PTPRE: variants seen among roughly 807,000 people sequenced by gnomAD.
The protein encoded by PTPRE is receptor-type tyrosine-protein phosphatase epsilon.
A neutral mutation model predicts 102.0 loss-of-function variants in PTPRE; 51 were observed. That is an observed-to-expected ratio of 0.50 (90% CI 0.40 to 0.63). PTPRE has a LOEUF of 0.63. Among genes scored for constraint, PTPRE ranks in the 30% least tolerant of loss-of-function variants. PTPRE has a pLI of 0.00. For synonymous variants in PTPRE, 345 were observed against 348.2 expected (o/e 0.99, Z 0.10); for missense variants, 752 against 915.1 (o/e 0.82, Z 2.30).
chr10:127,988,291 C>T (rs1207911869), intron 2 of PTPRE, among the ~76,000 whole-genome samples: 1 of 140,722 alleles, frequency 7.1e-6, no homozygotes, highest in Non-Finnish European at 1.5e-5. Context: ...TTTGCAGTGA[C>T]TTTTTTTCTT....
At chr10:128,050,582 A>T (rs1054864379) in intron 6 of PTPRE, among the ~76,000 whole-genome samples, 1 of 152,234 alleles carries the variant, frequency 6.6e-6, no homozygotes, top group Admixed American at 6.5e-5. Flanking sequence ...TTTGAATTTT[A>T]TGCATCTTCA....
Position 128,080,282 on chromosome 10 carries a change from C to T in PTPRE, c.2028+587C>T, listed in dbSNP as rs575869398. Among the ~76,000 whole-genome samples the T allele has an allele frequency of 7.2e-5, 11 of 152,320 alleles. 1 individual carries two copies. The highest frequency in any genetic ancestry group is 5.8e-4 in the East Asian group (3 of 5,184). ...ACTATGGCTCGTGCTGCTAACCCAG[C>T]GAGTACAATTTTAAAGCCTGTTACA... On this transcript the variant is annotated intron_variant, in intron 20 of 20. Coordinates refer to ENST00000254667, the MANE Select transcript of PTPRE (RefSeq NM_006504.6).
intron 1 of PTPRE, among the ~76,000 whole-genome samples, chr10:127,948,528 G>A (rs568281775): frequency 1.3e-5 from 2 of 152,106 alleles, no homozygotes; most frequent in African/African-American, 4.8e-5. Flanking sequence ...CCCTCCCTGT[G>A]AACCTGGCAA....
chr10:128,000,831 G>A (rs1278663072), intron 2 of PTPRE, among the ~76,000 whole-genome samples: 5 of 152,170 alleles, frequency 3.3e-5, no homozygotes, highest in African/African-American at 1.2e-4. Flanking sequence ...ATTCCACCAA[G>A]CCTCACTCAC....
At chr10:128,079,408 A>T (rs1004613293) in intron 19 of PTPRE, 152 bp from the exon 20 acceptor site, 4 of 1,018,580 alleles carry the variant, frequency 3.9e-6, no homozygotes, top group Non-Finnish European at 5.7e-6. Flanking sequence ...GTTACACTAC[A>T]TACAAATGAT....
chr10:127,938,681 T>A (rs904494789), intron 1 of PTPRE, among the ~76,000 whole-genome samples: 7 of 152,226 alleles, frequency 4.6e-5, no homozygotes, highest in Admixed American at 3.9e-4. Context: ...TCGATATTAC[T>A]TCTTAATATA....
At chr10:128,012,509 G>A (rs1438098751) in intron 2 of PTPRE, among the ~76,000 whole-genome samples, 1 of 152,188 alleles carries the variant, frequency 6.6e-6, no homozygotes, top group Non-Finnish European at 1.5e-5. Context: ...CACCCACCCA[G>A]CCTTGGGAGA....
At chr10:127,971,203 C>T (rs374791800) in intron 1 of PTPRE, among the ~76,000 whole-genome samples, 49 of 152,334 alleles carry the variant, frequency 3.2e-4, no homozygotes, top group Middle Eastern at 3.4e-3. Flanking sequence ...GTGACACTCA[C>T]GCTGGGGCTG....
chr10:127,913,665 T>C (rs1481410057), intron 1 of PTPRE, among the ~76,000 whole-genome samples: 1 of 152,128 alleles, frequency 6.6e-6, no homozygotes, highest in Non-Finnish European at 1.5e-5. Flanking sequence ...ACAAGGGCGC[T>C]CTGAGGGTCG....
intron 1 of PTPRE, among the ~76,000 whole-genome samples, chr10:127,920,181 CCTGGGAAGCAATTGATAG>C (rs895949874): frequency 2.6e-5 from 4 of 152,118 alleles, no homozygotes; most frequent in African/African-American, 9.7e-5. Flanking sequence ...GTGCGTGGAG[CCTGGGAAGCAATTGATAG>C]CTGGTTACCC....
intron 2 of PTPRE, among the ~76,000 whole-genome samples, chr10:127,987,935 G>C (rs1852235173): frequency 1.3e-5 from 2 of 152,218 alleles, no homozygotes; most frequent in Admixed American, 1.3e-4. Flanking sequence ...TCAGGCTCCT[G>C]AGGCCAGGGC....
At chr10:127,953,509 G>A (rs1849188138) in intron 1 of PTPRE, among the ~76,000 whole-genome samples, 1 of 152,184 alleles carries the variant, frequency 6.6e-6, no homozygotes, top group Non-Finnish European at 1.5e-5. Context: ...CCATAAAGAT[G>A]GGCATGCACA....
chr10:128,061,646 GA>G (rs1377808051), intron 8 of PTPRE, 32 bp from the exon 9 acceptor site: 5 of 1,572,880 alleles, frequency 3.2e-6, no homozygotes, highest in Non-Finnish European at 4.3e-6. Flanking sequence ...AGATAATTCT[GA>G]AAAAATATAA....
chr10:127,996,675 T>G (rs1853301448), intron 2 of PTPRE, among the ~76,000 whole-genome samples: 1 of 152,186 alleles, frequency 6.6e-6, no homozygotes, highest in East Asian at 1.9e-4. Flanking sequence ...TGAAAACTCT[T>G]CTTTCCAATG....
At chr10:127,965,908 A>G (rs988955184) in intron 1 of PTPRE, among the ~76,000 whole-genome samples, 1 of 152,234 alleles carries the variant, frequency 6.6e-6, no homozygotes, top group Admixed American at 6.5e-5. Context: ...CTTCTGCCAC[A>G]CTGGCCCTTT....
At chr10:128,045,683 A>G (rs1848032984) in intron 3 of PTPRE, among the ~76,000 whole-genome samples, 1 of 152,002 alleles carries the variant, frequency 6.6e-6, no homozygotes, top group Non-Finnish European at 1.5e-5. Flanking sequence ...CAGAGTGGAG[A>G]GGGGTGCTCT....
chr10:128,075,322 T>C (rs976141707), intron 17 of PTPRE, among the ~76,000 whole-genome samples: 1 of 152,202 alleles, frequency 6.6e-6, no homozygotes, highest in African/African-American at 2.4e-5. Flanking sequence ...AAGTGCAGAA[T>C]GTATAGTTTT....
intron 1 of PTPRE, among the ~76,000 whole-genome samples, chr10:127,956,026 C>T (rs543680207): frequency 2.7e-4 from 41 of 152,278 alleles, no homozygotes; most frequent in African/African-American, 9.1e-4. Flanking sequence ...TTGGGCAGTA[C>T]ACAAATCGAA....
At chr10:127,987,515 TA>T (rs770808084) in intron 2 of PTPRE, 6 of 395,832 alleles carry the variant, frequency 1.5e-5, no homozygotes, top group African/African-American at 4.2e-5. Flanking sequence ...AAGGCGTCGT[TA>T]AATGAAAATT....
Sources: gnomAD v4.1 joint callset for allele counts (sites outside exome capture counted in the v4.1 genomes callset) on GRCh38, gnomAD v4.1.1 for gene constraint, MANE v1.5 for transcripts, NCBI Gene and HGNC (gene_info 2026-07-23, HGNC 2026-07-21) for gene names.